Variants in SIM1 observed in about 807,000 individuals in gnomAD.
SIM1 encodes the protein single-minded homolog 1.
In SIM1, 18 loss-of-function variants were observed where a neutral mutation model predicts 78.2. The ratio of observed to expected loss-of-function variants is 0.23; its 90% CI spans 0.16 to 0.34. SIM1 has a LOEUF of 0.34. Ranked by LOEUF, SIM1 falls within the 10% of genes least tolerant of loss-of-function variation. SIM1 has a pLI of 1.00. For synonymous variants in SIM1, 417 were observed against 385.2 expected (o/e 1.08, Z -0.97); for missense variants, 939 against 975.1 (o/e 0.96, Z 0.49).
chr6:100,387,267 T>G lies in SIM1; in HGVS notation c.*3094A>C, dbSNP rs1213795050. The G allele has an allele frequency of 1.3e-5, 2 of 152,106 alleles. No individual in the cohort carries two copies. The highest frequency in any genetic ancestry group is 4.8e-5 in the African/African-American group (2 of 41,454). The allele number at this position is 152,106 out of a possible 1,614,324, so 9.4% of individuals were successfully genotyped here. On this transcript the variant is annotated 3_prime_UTR_variant, in exon 12 of 12. Coordinates refer to ENST00000369208, the MANE Select transcript of SIM1 (RefSeq NM_005068.3). ...ATCAAGTTTCATGTTTCTCAACATT[T>G]GGCAAAGTTATGGAAATCAAGAATT...
At chr6:100,457,750 C>T (rs1772708677) in intron 2 of SIM1, among the ~76,000 whole-genome samples, 1 of 152,248 alleles carries the variant, frequency 6.6e-6, no homozygotes, top group Non-Finnish European at 1.5e-5. Flanking sequence ...GGCACTGCTG[C>T]CCGCCCTGCC....
intron 9 of SIM1, among the ~76,000 whole-genome samples, chr6:100,424,688 G>T (rs1771680521): frequency 6.6e-6 from 1 of 151,866 alleles, no homozygotes; most frequent in South Asian, 2.1e-4. Context: ...CGATCCTCCT[G>T]CCTTGACCTC....
chr6:100,411,330 C>A (rs1771186816), intron 10 of SIM1, among the ~76,000 whole-genome samples: 1 of 152,152 alleles, frequency 6.6e-6, no homozygotes, highest in African/African-American at 2.4e-5. Flanking sequence ...CTAGAAAGCC[C>A]AGTTCAGGAC....
rs1399608112 is a variant in SIM1 at position 100,457,486 on chromosome 6, G to C, written c.176-3642C>G. Among the ~76,000 whole-genome samples the C allele has an allele frequency of 2.6e-5, 4 of 152,256 alleles. No individual in the cohort carries two copies. In the East Asian group the frequency reaches 5.8e-4, roughly 22 times the overall value. ...GAGAGTGTAGGAGAGTCTGGCCCAG[G>C]GGGTAATCCTGAAAACCCCAAATCC... On this transcript the variant is annotated intron_variant, in intron 2 of 11. Transcript: ENST00000369208.
Position 100,389,602 on chromosome 6 carries a change from CCA to C in SIM1, c.*757_*758del. The C allele has an allele frequency of 2.5e-6, 1 of 398,916 alleles. No individual in the cohort carries two copies. Among genetic ancestry groups the C allele is most frequent in the Non-Finnish European group, 4.4e-6 (1 of 225,990 alleles). 24.7% of individuals were successfully genotyped at this position (398,916 alleles called of 1,614,324 possible). A position where few individuals can be genotyped will look rare whatever the true frequency, so the allele number is the denominator to read the frequency against. On this transcript the variant is annotated 3_prime_UTR_variant, in exon 12 of 12. Coordinates refer to ENST00000369208, the MANE Select transcript of SIM1 (RefSeq NM_005068.3). Reference sequence around the variant, plus strand: ...ATAGAACTACTTCCAATTGAGCACTCCAGGTTTTTGATGTGTGTCCCAATATC... The same window carrying C: ...ATAGAACTACTTCCAATTGAGCACTCGGTTTTTGATGTGTGTCCCAATATC...
Position 100,392,131 on chromosome 6 carries a change from G to A in SIM1, c.1571-1040C>T, listed in dbSNP as rs149541737. Among the ~76,000 whole-genome samples the A allele has an allele frequency of 4.8e-3, 726 of 152,262 alleles. 3 individuals are homozygous for A. Among genetic ancestry groups the A allele is most frequent in the African/African-American group, 0.016 (668 of 41,544 alleles). On this transcript the variant is annotated intron_variant, in intron 11 of 11. Transcript: ENST00000369208. Reference sequence around the variant, plus strand: ...AGAGGTTGCAGTGAGCCGAGATCGCGCCATTGCACTCCAGCCTAGGCGACA... The same window carrying A: ...AGAGGTTGCAGTGAGCCGAGATCGCACCATTGCACTCCAGCCTAGGCGACA...
At chr6:100,429,040 T>C (rs1024812384) in intron 9 of SIM1, among the ~76,000 whole-genome samples, 1 of 152,166 alleles carries the variant, frequency 6.6e-6, no homozygotes, top group Non-Finnish European at 1.5e-5. Flanking sequence ...TCTGGGAATA[T>C]ATCTTATAAA....
intron 9 of SIM1, 61 bp downstream of exon 9, chr6:100,447,207 G>C (rs1333787089): frequency 6.4e-7 from 1 of 1,558,684 alleles, no homozygotes; most frequent in Non-Finnish European, 8.7e-7. Context: ...GCCGCCACCC[G>C]CACTCTCGCA....
rs1771925726 is a variant in SIM1 at position 100,432,330 on chromosome 6, G to T, written c.999-11372C>A. Among the ~76,000 whole-genome samples the T allele has an allele frequency of 3.3e-5, 5 of 152,244 alleles. 1 individual carries two copies. In the South Asian group the frequency reaches 6.2e-4, roughly 19 times the overall value. On this transcript the variant is annotated intron_variant, in intron 9 of 11. Coordinates refer to ENST00000369208, the MANE Select transcript of SIM1 (RefSeq NM_005068.3). ...AGAGTTTCTCATTTGTAGGTCTGGG[G>T]TTGAGCCCAACGATTTGCATTCTTA...
intron 9 of SIM1, among the ~76,000 whole-genome samples, chr6:100,445,870 T>C (rs908848343): frequency 3.3e-5 from 5 of 152,212 alleles, no homozygotes; most frequent in Non-Finnish European, 7.3e-5. Context: ...TTATGTATTA[T>C]GCTTTGCCAT....
chr6:100,428,130 G>A (rs927269368), intron 9 of SIM1, among the ~76,000 whole-genome samples: 2 of 152,010 alleles, frequency 1.3e-5, no homozygotes, highest in Admixed American at 6.6e-5. Flanking sequence ...GTTCTGTGAG[G>A]TCTTAAATTT....
Position 100,389,700 on chromosome 6 carries a change from C to A in SIM1, c.*661G>T, listed in dbSNP as rs896318097. On this transcript the variant is annotated 3_prime_UTR_variant, in exon 12 of 12. Transcript: ENST00000369208. Reference sequence around the variant, plus strand: ...TCCTGGTCCTTGTCTAACTGAAAAGCAAGGTGAAAAATTACCTCTTCCTGA... The same window carrying A: ...TCCTGGTCCTTGTCTAACTGAAAAGAAAGGTGAAAAATTACCTCTTCCTGA... The A allele has an allele frequency of 7.5e-6, 3 of 398,958 alleles. No homozygotes were observed. The highest frequency in any genetic ancestry group is 1.3e-5 in the Non-Finnish European group (3 of 226,026). 24.7% of individuals were successfully genotyped at this position (398,958 alleles called of 1,614,324 possible).
chr6:100,449,350 T>G lies in SIM1; in HGVS notation c.543+13A>C, dbSNP rs1180702424. 1 of 1,608,434 alleles carries G rather than the reference T, an allele frequency of 6.2e-7. No homozygotes were observed. Among genetic ancestry groups the G allele is most frequent in the East Asian group, 2.2e-5 (1 of 44,840 alleles). ...CTCTGACTCCACCCGGAGCGGATCT[T>G]CCAGCTACGCACCTTGTAGCCGCCA... On this transcript the variant is annotated intron_variant, in intron 6 of 11. Transcript: ENST00000369208.
chr6:100,449,234 G>T, intron 6 of SIM1, 129 bp downstream of exon 6: 2 of 711,272 alleles, frequency 2.8e-6, no homozygotes, highest in Non-Finnish European at 4.9e-6. Flanking sequence ...CCTGGCCTGC[G>T]GCTCTTCGAC....
chr6:100,412,741 AAGAAAG>A (rs1207937855), intron 10 of SIM1, among the ~76,000 whole-genome samples: 5 of 143,788 alleles, frequency 3.5e-5, no homozygotes, highest in African/African-American at 1.3e-4. Context: ...GAAAGAAAGA[AAGAAAG>A]AAAGAAAAAA....
At chr6:100,444,410 A>G (rs1772301029) in intron 9 of SIM1, among the ~76,000 whole-genome samples, 1 of 152,136 alleles carries the variant, frequency 6.6e-6, no homozygotes, top group South Asian at 2.1e-4. Context: ...CTAACAGGGT[A>G]TGTGTGTCTT....
At chr6:100,443,748 T>C (rs1411350394) in intron 9 of SIM1, among the ~76,000 whole-genome samples, 1 of 152,056 alleles carries the variant, frequency 6.6e-6, no homozygotes, top group East Asian at 1.9e-4. Flanking sequence ...TATTCAAGGA[T>C]GAAGCACCAT....
chr6:100,421,081 C>A (rs1771568035), intron 9 of SIM1, 123 bp from the exon 10 acceptor site: 2 of 899,740 alleles, frequency 2.2e-6, no homozygotes, highest in Admixed American at 2.9e-5. Flanking sequence ...AGCCCTATAA[C>A]TAGCTTCCAC....
intron 2 of SIM1, among the ~76,000 whole-genome samples, chr6:100,458,109 C>T (rs1421762877): frequency 6.7e-6 from 1 of 150,286 alleles, no homozygotes; most frequent in Non-Finnish European, 1.5e-5. Context: ...TTGGGCTTCC[C>T]GTAGGGATAG....
Sources: allele counts gnomAD v4.1 joint callset (sites outside exome capture counted in the v4.1 genomes callset), GRCh38; gene constraint gnomAD v4.1.1; transcripts MANE v1.5; gene names NCBI Gene and HGNC (gene_info 2026-07-23, HGNC 2026-07-21).